CNTNAP2: variants seen among roughly 807,000 people sequenced by gnomAD.
CNTNAP2 encodes contactin associated protein 2.
Under a neutral mutation model 155.2 loss-of-function variants are expected in CNTNAP2, and 98 were observed. That is an observed-to-expected ratio of 0.63 (90% CI 0.54 to 0.75). The LOEUF (loss-of-function observed/expected upper bound fraction) is 0.75, where lower values mean the gene tolerates loss of function less well. Among genes scored for constraint, CNTNAP2 ranks in the 30% least tolerant of loss-of-function variants. The pLI, the probability that CNTNAP2 is intolerant of heterozygous loss-of-function variation, is 0.00. For synonymous variants in CNTNAP2, 651 were observed against 631.2 expected (o/e 1.03, Z -0.47); for missense variants, 1,727 against 1,688.1 (o/e 1.02, Z -0.40).
intron 1 of CNTNAP2, among the ~76,000 whole-genome samples, chr7:146,396,319 T>C (rs909910627): frequency 2.0e-5 from 3 of 152,148 alleles, no homozygotes; most frequent in Admixed American, 6.5e-5. Context: ...TAGTGTTTCA[T>C]AAAAGTTCTA....
At chr7:147,697,785 A>G (rs1320111551) in intron 13 of CNTNAP2, among the ~76,000 whole-genome samples, 1 of 152,136 alleles carries the variant, frequency 6.6e-6, no homozygotes, top group African/African-American at 2.4e-5. Flanking sequence ...TCCTCTGGGT[A>G]GGCCTTGTTA....
At chr7:147,631,001 G>A (rs189519455) in intron 12 of CNTNAP2, among the ~76,000 whole-genome samples, 17 of 151,952 alleles carry the variant, frequency 1.1e-4, no homozygotes, top group African/African-American at 1.7e-4. Flanking sequence ...AGAAATAAAG[G>A]GCATCAGAAT....
intron 21 of CNTNAP2, among the ~76,000 whole-genome samples, chr7:148,273,324 G>C (rs10952743): frequency 0.56 from 84,903 of 151,474 alleles, 25,316 homozygotes; most frequent in South Asian, 0.77. Context: ...GCAACTAGGG[G>C]GATAACATTT....
At chr7:146,836,520 G>T (rs952298747) in intron 2 of CNTNAP2, among the ~76,000 whole-genome samples, 9 of 152,104 alleles carry the variant, frequency 5.9e-5, no homozygotes, top group African/African-American at 2.2e-4. Context: ...CATATGTAAA[G>T]TTAAGACCAC....
intron 12 of CNTNAP2, among the ~76,000 whole-genome samples, chr7:147,570,640 A>G (rs186020479): frequency 1.3e-5 from 2 of 152,302 alleles, no homozygotes; most frequent in African/African-American, 4.8e-5. Context: ...ACATGCATTA[A>G]CTCATCCAAT....
chr7:146,159,059 A>C (rs887679508), intron 1 of CNTNAP2, among the ~76,000 whole-genome samples: 1 of 152,246 alleles, frequency 6.6e-6, no homozygotes, highest in Non-Finnish European at 1.5e-5. Flanking sequence ...GAAACTCTAC[A>C]AGCCAGAAGG....
intron 10 of CNTNAP2, among the ~76,000 whole-genome samples, chr7:147,417,239 A>G (rs908525154): frequency 2.0e-5 from 3 of 152,258 alleles, no homozygotes; most frequent in Non-Finnish European, 2.9e-5. Context: ...CTATAACAGA[A>G]TACCATAGAC....
At chr7:147,985,853 C>G in intron 15 of CNTNAP2, among the ~76,000 whole-genome samples, 1 of 152,226 alleles carries the variant, frequency 6.6e-6, no homozygotes, top group East Asian at 1.9e-4. Flanking sequence ...AGCTTCTGCC[C>G]TTAGGGCACT....
chr7:148,030,954 A>G (rs956656701), intron 15 of CNTNAP2, among the ~76,000 whole-genome samples: 1 of 152,104 alleles, frequency 6.6e-6, no homozygotes. Context: ...TGGCAGAGAG[A>G]CTTTCTTTGA....
intron 1 of CNTNAP2, among the ~76,000 whole-genome samples, chr7:146,461,501 T>A (rs1295499710): frequency 2.0e-5 from 3 of 152,002 alleles, no homozygotes; most frequent in Admixed American, 1.3e-4. Flanking sequence ...TAACTTTTAG[T>A]AGCATTTGTT....
intron 1 of CNTNAP2, among the ~76,000 whole-genome samples, chr7:146,688,190 T>C (rs1178858318): frequency 6.6e-6 from 1 of 152,168 alleles, no homozygotes; most frequent in Non-Finnish European, 1.5e-5. Context: ...TTTTAAATAA[T>C]ACTCAAATCA....
intron 12 of CNTNAP2, among the ~76,000 whole-genome samples, chr7:147,631,934 T>G (rs1018697731): frequency 4.6e-5 from 7 of 152,130 alleles, no homozygotes; most frequent in African/African-American, 1.7e-4. Flanking sequence ...AAAAATTTCA[T>G]GACAAAGCAT....
At chr7:147,908,063 C>T (rs114906621) in intron 14 of CNTNAP2, among the ~76,000 whole-genome samples, 1,990 of 152,192 alleles carry the variant, frequency 0.013, 51 homozygotes, top group African/African-American at 0.045. Context: ...GCCACCACAA[C>T]TGGCCCTTAT....
chr7:146,187,080 A>C (rs901473081), intron 1 of CNTNAP2, among the ~76,000 whole-genome samples: 56 of 152,300 alleles, frequency 3.7e-4, no homozygotes, highest in African/African-American at 1.3e-3. Context: ...TCAAACTTAG[A>C]AATAATTTTT....
intron 3 of CNTNAP2, among the ~76,000 whole-genome samples, chr7:146,944,669 G>C (rs1219430339): frequency 6.6e-6 from 1 of 152,098 alleles, no homozygotes; most frequent in Non-Finnish European, 1.5e-5. Context: ...ACGAGGTCAT[G>C]AGATGGAGAC....
intron 3 of CNTNAP2, among the ~76,000 whole-genome samples, chr7:146,897,022 C>T (rs760741570): frequency 1.3e-5 from 2 of 151,960 alleles, no homozygotes; most frequent in Non-Finnish European, 2.9e-5. Context: ...ACAGAGAAAC[C>T]GTATTTCTCT....
chr7:146,566,620 C>G (rs1344542695), intron 1 of CNTNAP2, among the ~76,000 whole-genome samples: 1 of 151,934 alleles, frequency 6.6e-6, no homozygotes, highest in Non-Finnish European at 1.5e-5. Context: ...TTGCTTGAAC[C>G]CGGGAGGCGG....
chr7:146,816,927 T>A (rs922712535), intron 2 of CNTNAP2, among the ~76,000 whole-genome samples: 9 of 152,150 alleles, frequency 5.9e-5, no homozygotes, highest in Non-Finnish European at 1.2e-4. Flanking sequence ...ATATCATAGA[T>A]AATAAGTTCC....
chr7:146,756,821 A>G (rs1266407500), intron 1 of CNTNAP2, among the ~76,000 whole-genome samples: 1 of 152,112 alleles, frequency 6.6e-6, no homozygotes, highest in Non-Finnish European at 1.5e-5. Context: ...AGTATAAGAA[A>G]CATTATTAAA....
Sources: gnomAD v4.1 joint callset for allele counts (sites outside exome capture counted in the v4.1 genomes callset) on GRCh38, gnomAD v4.1.1 for gene constraint, MANE v1.5 for transcripts, NCBI Gene and HGNC (gene_info 2026-07-23, HGNC 2026-07-21) for gene names.